TP53BP2: variants seen among roughly 807,000 people sequenced by gnomAD.
TP53BP2 encodes the protein apoptosis-stimulating of p53 protein 2.
TP53BP2 carries 62 observed loss-of-function variants against 126.2 expected under a neutral mutation model. The observed-to-expected ratio is 0.49, with a 90% CI of 0.40 to 0.61. The LOEUF (loss-of-function observed/expected upper bound fraction) is 0.61. TP53BP2 is among the 20% of genes least tolerant of loss of function. The pLI is 0.00. For synonymous variants in TP53BP2, 485 were observed against 502.9 expected (o/e 0.96, Z 0.48); for missense variants, 1,215 against 1,402.8 (o/e 0.87, Z 2.14).
At chr1:223,827,230 T>G (rs1292967195) in intron 1 of TP53BP2, among the ~76,000 whole-genome samples, 1 of 152,144 alleles carries the variant, frequency 6.6e-6, no homozygotes, top group Non-Finnish European at 1.5e-5. Flanking sequence ...GAAAGAATGC[T>G]GAGGACTGTG....
rs1188365389 is a variant in TP53BP2 at position 223,814,258 on chromosome 1, G to C, written c.271C>G (p.Pro91Ala). ...EVRFFLRHER[P>A]PGRDIVSGPR... ...TACCTACCAATGTCCCTGCCAGGGG[G>C]GCGTTCATGACGAAGGAAGAAGCGA... Residue 91 changes from proline (P) to alanine (A), a missense_variant, in exon 3 of 18, where the codon CCC becomes GCC. Coordinates refer to ENST00000343537, the MANE Select transcript of TP53BP2 (RefSeq NM_001031685.3). 6.2e-7 allele frequency: 1 copy of C among 1,613,478 alleles called. No homozygotes were observed. Among genetic ancestry groups the C allele is most frequent in the South Asian group, 1.1e-5 (1 of 91,084 alleles).
Position 223,802,840 on chromosome 1 carries a change from C to T in TP53BP2, c.887G>A (p.Cys296Tyr). The part of the protein sequence containing the change: ...QNAKLQQQRE[C>Y]LNKRNSEVAV... ...CACTTCTGAATTACGCTTATTCAAA[C>T]ACTCCCTCTGTTGTTGTAGCTTGGC... The change falls in exon 8 of 18, where the codon TGT becomes TAT. Residue 296 changes from cysteine to tyrosine, a missense_variant. Physicochemically the swap from Cys to Tyr is radical, Grantham distance 194. Transcript: ENST00000343537. The T allele has an allele frequency of 1.2e-6, 2 of 1,614,200 alleles. No homozygotes were observed. Among genetic ancestry groups the T allele is most frequent in the African/African-American group, 1.3e-5 (1 of 75,048 alleles).
In TP53BP2 at chr1:223,796,022, C is replaced by G; in HGVS notation, c.2517G>C (p.Glu839Asp). Residue 839 changes from glutamate to aspartate, a missense_variant, in exon 13 of 18, where the codon GAG becomes GAC. Glu to Asp is a conservative substitution (Grantham distance 45). Around this residue, in one of 4 missense-constraint regions of TP53BP2, gnomAD observed 204 missense variants for 225.7 expected, o/e 0.90. Transcript: ENST00000343537. This position sits in a 1 kb window ranked among gnomAD's most constrained non-coding sequence, Gnocchi z 4.2. ...MPAPSPGLDY[E>D]PEGVPDNSPN... ...GGCTGTTGTCTGGGACTCCCTCAGG[C>G]TCATAATCAAGGCCTGGAGAAGGAG... is the stretch of plus-strand genomic sequence containing the variant. 1 of 1,613,968 alleles carries G rather than the reference C, an allele frequency of 6.2e-7. No homozygotes were observed. The highest frequency in any genetic ancestry group is 8.5e-7 in the Non-Finnish European group (1 of 1,179,890).
intron 1 of TP53BP2, among the ~76,000 whole-genome samples, chr1:223,841,329 G>GT (rs1254953929): frequency 1.3e-5 from 2 of 152,030 alleles, no homozygotes; most frequent in African/African-American, 2.4e-5. Context: ...TTTGATAACT[G>GT]TAATTCTATA....
At chr1:223,793,928 T>C (rs947117759) in intron 13 of TP53BP2, among the ~76,000 whole-genome samples, 1 of 152,048 alleles carries the variant, frequency 6.6e-6, no homozygotes, top group Non-Finnish European at 1.5e-5. Context: ...AACCCTATGA[T>C]CCCTAGTTTA....
At chr1:223,799,857 G>T in intron 11 of TP53BP2, 42 bp downstream of exon 11, 1 of 1,531,082 alleles carries the variant, frequency 6.5e-7, no homozygotes, top group South Asian at 1.3e-5. Context: ...CTGCATTATA[G>T]AATTACTATT....
intron 3 of TP53BP2, among the ~76,000 whole-genome samples, chr1:223,811,130 G>GT (rs1366142507): frequency 1.6e-4 from 25 of 152,090 alleles, no homozygotes; most frequent in African/African-American, 5.3e-4. Context: ...TATATATTCT[G>GT]CTTTTTTGGC....
intron 2 of TP53BP2, among the ~76,000 whole-genome samples, chr1:223,814,701 T>C (rs1029022139): frequency 2.0e-5 from 3 of 152,294 alleles, no homozygotes; most frequent in South Asian, 2.1e-4. Flanking sequence ...CATAGTCCCT[T>C]CTAACACTAA....
At chr1:223,829,661 A>C (rs1017860272) in intron 1 of TP53BP2, among the ~76,000 whole-genome samples, 1 of 152,088 alleles carries the variant, frequency 6.6e-6, no homozygotes, top group African/African-American at 2.4e-5. Flanking sequence ...TCATTGAATC[A>C]AATTATAAAT....
intron 1 of TP53BP2, among the ~76,000 whole-genome samples, chr1:223,833,223 C>T (rs980536643): frequency 2.0e-5 from 3 of 152,174 alleles, no homozygotes; most frequent in Non-Finnish European, 4.4e-5. Context: ...CTAAGTGTAC[C>T]ACTTTATATG....
At position 223,789,102 on chromosome 1, in the gene TP53BP2, A is replaced by G. The variant is rs1318964040; in HGVS notation, c.3069T>C (p.Ala1023=). 1 of 1,614,198 alleles carries G rather than the reference A, an allele frequency of 6.2e-7. No homozygotes were observed. Among genetic ancestry groups the G allele is most frequent in the Non-Finnish European group, 8.5e-7 (1 of 1,180,028 alleles). The change falls in exon 16 of 18, where the codon GCT becomes GCC. Residue 1023 remains alanine, a synonymous_variant. Coordinates refer to ENST00000343537, the MANE Select transcript of TP53BP2 (RefSeq NM_001031685.3). ...TGTCACTGTAGGTCATGGCAAACAC[A>G]GCGGCTCCTGACTCCACCAAAAACT... ...VCKFLVESGA[A]VFAMTYSDMQ...
intron 5 of TP53BP2, among the ~76,000 whole-genome samples, chr1:223,805,645 T>C (rs982566165): frequency 6.6e-6 from 1 of 152,186 alleles, no homozygotes; most frequent in Non-Finnish European, 1.5e-5. Flanking sequence ...CAAAGCCCTA[T>C]TGGGTAACTT....
In TP53BP2 at chr1:223,845,527, C is replaced by T. The variant is rs970552725; in HGVS notation, c.27+127G>A. ...GAAACCCGCTCGAAGCTCGGAAAGC[C>T]CCGGCCCCTCCGCGCGGGCTGCGGC... On this transcript the variant is annotated intron_variant, in intron 1 of 17. Transcript: ENST00000343537. 5 of 1,086,842 alleles carry T rather than the reference C, an allele frequency of 4.6e-6. No homozygotes were observed. In the African/African-American group the frequency reaches 8.4e-5, roughly 18 times the overall value. The allele number at this position is 1,086,842 out of a possible 1,614,324, so 67.3% of individuals were successfully genotyped here. A position where few individuals can be genotyped will look rare whatever the true frequency, so the allele number is the denominator to read the frequency against.
intron 1 of TP53BP2, among the ~76,000 whole-genome samples, chr1:223,827,213 GA>G (rs1388968446): frequency 6.6e-6 from 1 of 152,166 alleles, no homozygotes; most frequent in Non-Finnish European, 1.5e-5. Context: ...GGGCCAGCTA[GA>G]GACAGGAAAG....
chr1:223,806,877 A>T lies in TP53BP2; in HGVS notation c.443T>A (p.Ile148Asn). Residue 148 changes from isoleucine to asparagine, a missense_variant, in exon 5 of 18, where the codon ATT (isoleucine) becomes AAT (asparagine). Around this residue, in one of 4 missense-constraint regions of TP53BP2, gnomAD observed 814 missense variants for 853.0 expected, o/e 0.95. Transcript: ENST00000343537. ...QEMASRQQQQ[I>N]EAQQQLLATK... Reference sequence around the variant, plus strand: ...TGCCAGCAATTGTTGCTGGGCTTCAATCTGTTGCTGCTGGCGAGATGCCAT... The same window carrying T: ...TGCCAGCAATTGTTGCTGGGCTTCATTCTGTTGCTGCTGGCGAGATGCCAT... The T allele has an allele frequency of 1.2e-6, 2 of 1,614,072 alleles. No homozygotes were observed. The highest frequency in any genetic ancestry group is 1.7e-6 in the Non-Finnish European group (2 of 1,179,976).
chr1:223,800,085 T>C (rs749832531), intron 10 of TP53BP2, 38 bp from the exon 11 acceptor site: 5 of 1,547,842 alleles, frequency 3.2e-6, no homozygotes, highest in East Asian at 4.6e-5. Context: ...TCAAACTGTT[T>C]AGAATAAAGT....
chr1:223,836,396 T>C (rs745649230), intron 1 of TP53BP2, among the ~76,000 whole-genome samples: 2 of 152,236 alleles, frequency 1.3e-5, no homozygotes, highest in African/African-American at 4.8e-5. Context: ...TACTGTGCCA[T>C]AGCTGGTGCT....
chr1:223,845,681 G>T lies in TP53BP2; in HGVS notation c.-1C>A. 1 of 1,548,246 alleles carries T rather than the reference G, an allele frequency of 6.5e-7. No individual in the cohort carries two copies. On this transcript the variant is annotated 5_prime_UTR_variant, in exon 1 of 18. Transcript: ENST00000343537. Reference sequence around the variant, plus strand: ...GCATCATCTTGGACCCGAACCGCATGGAAGCGGGTGGCCAGACTGCGGCCC... The same window carrying T: ...GCATCATCTTGGACCCGAACCGCATTGAAGCGGGTGGCCAGACTGCGGCCC...
chr1:223,818,555 T>C (rs1428521951), intron 2 of TP53BP2, among the ~76,000 whole-genome samples: 2 of 149,246 alleles, frequency 1.3e-5, no homozygotes, highest in Non-Finnish European at 3.0e-5. Flanking sequence ...AGAACACATA[T>C]CGGTGTTATC....
Sources: gnomAD v4.1 joint callset for allele counts (sites outside exome capture counted in the v4.1 genomes callset) on GRCh38, gnomAD v4.1.1 for gene constraint, gnomAD v4.1.1 regional missense constraint, Gnocchi (gnomAD v3.1) non-coding constraint, MANE v1.5 for transcripts, NCBI Gene and HGNC (gene_info 2026-07-23, HGNC 2026-07-21) for gene names.